Variants in GFPT2 observed in about 807,000 individuals in gnomAD.
GFPT2 encodes glutamine--fructose-6-phosphate transaminase 2.
In GFPT2, 62 loss-of-function variants were observed where a neutral mutation model predicts 85.6. The ratio of observed to expected loss-of-function variants is 0.72; its 90% CI spans 0.59 to 0.90. The LOEUF (loss-of-function observed/expected upper bound fraction) is 0.90. Ranked by LOEUF, GFPT2 falls within the 40% of genes least tolerant of loss-of-function variation. The pLI is 0.00. For missense variants in GFPT2, 788 were observed against 893.4 expected, an observed-to-expected ratio of 0.88 and a Z score of 1.50; for synonymous variants, 368 against 344.5, an observed-to-expected ratio of 1.07 and a Z score of -0.75.
rs1764288592 is a variant in GFPT2, at chr5:180,330,843, T to TG, written c.400-10dup. The TG allele has an allele frequency of 3.1e-6, 5 of 1,613,618 alleles. No homozygotes were observed. The South Asian group carries it at 5.5e-5, about 18-fold the overall frequency. On this transcript the variant is annotated splice_polypyrimidine_tract_variant and intron_variant, in intron 5 of 18. Transcript: ENST00000253778. The surrounding 1 kb of genome is among the most constrained non-coding windows in gnomAD (Gnocchi z 4.4). The stretch of plus-strand genomic sequence containing the variant: ...TCGTAGCCTTTGCTTTCCTGGAATA[T>TG]GCAGTCGGCACAGTGTGAGAGATTG...
In GFPT2 at chr5:180,330,852, C is replaced by A. The variant is rs752675123; in HGVS notation, c.400-18G>T. On this transcript the variant is annotated intron_variant, in intron 5 of 18. Transcript: ENST00000253778. The surrounding 1 kb of genome is among the most constrained non-coding windows in gnomAD (Gnocchi z 4.4). The stretch of plus-strand genomic sequence containing the variant: ...TTGCTTTCCTGGAATATGCAGTCGG[C>A]ACAGTGTGAGAGATTGGTCATTGCA... 1 of 1,612,852 alleles carries A rather than the reference C, an allele frequency of 6.2e-7. No homozygotes were observed. Among genetic ancestry groups the A allele is most frequent in the Admixed American group, 1.7e-5 (1 of 59,984 alleles).
Position 180,335,954 on chromosome 5 carries a change from C to CT in GFPT2, c.215-2dup. 1 of 1,563,024 alleles carries CT rather than the reference C, an allele frequency of 6.4e-7. No individual in the cohort carries two copies. Among genetic ancestry groups the CT allele is most frequent in the Non-Finnish European group, 8.6e-7 (1 of 1,160,184 alleles). On this transcript the variant is annotated splice_acceptor_variant, in intron 3 of 18. Coordinates refer to ENST00000253778, the MANE Select transcript of GFPT2 (RefSeq NM_005110.4). LOFTEE classifies it high-confidence loss of function. ...ACTTTTAAGTCCATGCTGTCTTGTT[C>CT]TAAATGAAAGGAAAATCAGTTTGCC...
rs1347300668 is a variant in GFPT2, at chr5:180,336,544, T to G, written c.149A>C (p.Lys50Thr). 1 of 1,611,832 alleles carries G rather than the reference T, an allele frequency of 6.2e-7. No individual in the cohort carries two copies. The highest frequency in any genetic ancestry group is 1.1e-5 in the South Asian group (1 of 91,030). ...CTTGACCAGCTGAATGTGTCTTTCT[T>G]TGACTTCGTGATTATTCCCATCGAT... ...VAIDGNNHEV[K>T]ERHIQLVKKR... The change falls in exon 3 of 19, where the codon AAA becomes ACA. Residue 50 changes from lysine (K) to threonine (T), a missense_variant. Physicochemically the swap from Lys to Thr is moderately conservative, Grantham distance 78 (BLOSUM62 -1). Transcript: ENST00000253778.
In GFPT2 at chr5:180,303,098, C is replaced by T. The variant is rs564199110; in HGVS notation, c.1843-514G>A. Among the ~76,000 whole-genome samples the T allele has an allele frequency of 3.4e-4, 49 of 143,840 alleles. 5 individuals are homozygous for T. Among genetic ancestry groups the T allele is most frequent in the African/African-American group, 9.1e-4 (37 of 40,754 alleles). 94.4% of individuals were successfully genotyped at this position (143,840 alleles called of 152,430 possible). On this transcript the variant is annotated intron_variant, in intron 17 of 18. Coordinates refer to ENST00000253778, the MANE Select transcript of GFPT2 (RefSeq NM_005110.4). ...ACAAAAAATTAGCCGGGTGTGGTGG[C>T]GGGGGCCTGTAGTCCCAGCTACTGG... is the stretch of plus-strand genomic sequence containing the variant.
In GFPT2 at chr5:180,340,767, G is replaced by A. The variant is rs548103755; in HGVS notation, c.8-2167C>T. On this transcript the variant is annotated intron_variant, in intron 1 of 18. Transcript: ENST00000253778. ...CTGACCTCATGATCTGCCCACCTCC[G>A]CCTCCCAAAGTGCTGGGATTACAGG... Among the ~76,000 whole-genome samples the A allele has an allele frequency of 2.6e-5, 4 of 151,782 alleles. No homozygotes were observed. The South Asian group carries it at 6.2e-4, about 24-fold the overall frequency.
intron 15 of GFPT2, among the ~76,000 whole-genome samples, chr5:180,307,951 A>C (rs1313767619): frequency 6.6e-6 from 1 of 152,114 alleles, no homozygotes; most frequent in Admixed American, 6.5e-5. Context: ...TCTCTACTAA[A>C]AATACAAAAA....
rs545624638 is a variant in GFPT2 at position 180,352,974 on chromosome 5, G to A, written c.7+237C>T. The A allele has an allele frequency of 1.0e-5, 4 of 393,338 alleles. No homozygotes were observed. The East Asian group carries it at 1.2e-4, about 12-fold the overall frequency. 24.4% of individuals were successfully genotyped at this position (393,338 alleles called of 1,614,324 possible). On this transcript the variant is annotated intron_variant, in intron 1 of 18. Coordinates refer to ENST00000253778, the MANE Select transcript of GFPT2 (RefSeq NM_005110.4). ...GGCCTCGGTCCCCCTCACTGTGTCCGAGACCAGGAGTCGGGTTGGGCATCC... is the reference window on the plus strand; with the variant it reads ...GGCCTCGGTCCCCCTCACTGTGTCCAAGACCAGGAGTCGGGTTGGGCATCC...
Position 180,336,029 on chromosome 5 carries a change from C to T in GFPT2, c.215-76G>A, listed in dbSNP as rs1271151119. 9.1e-6 allele frequency: 13 copies of T among 1,426,274 alleles called. No individual in the cohort carries two copies. The East Asian group carries it at 1.7e-4, about 19-fold the overall frequency. 88.4% of individuals were successfully genotyped at this position (1,426,274 alleles called of 1,614,324 possible). A position where few individuals can be genotyped will look rare whatever the true frequency, so the allele number is the denominator to read the frequency against. On this transcript the variant is annotated intron_variant, in intron 3 of 18. Transcript: ENST00000253778. Reference sequence around the variant, plus strand: ...CAGGACTGTGAGTGCAACCTGGTGTCGTTACCCAAGTCACGTCACCCACAC... The same window carrying T: ...CAGGACTGTGAGTGCAACCTGGTGTTGTTACCCAAGTCACGTCACCCACAC...
chr5:180,321,766 TG>T (rs2127651632), intron 9 of GFPT2, among the ~76,000 whole-genome samples: 1 of 11,046 alleles, frequency 9.1e-5, no homozygotes, highest in South Asian at 2.4e-3. Flanking sequence ...TGGAGGGTTT[TG>T]TTTTGTTTTG....
chr5:180,313,648 C>G (rs544715921), intron 14 of GFPT2, among the ~76,000 whole-genome samples, 159 bp downstream of exon 14: 1 of 151,246 alleles, frequency 6.6e-6, no homozygotes, highest in Admixed American at 6.6e-5. Flanking sequence ...TACGGGAATC[C>G]AAGAGGGGAG....
intron 17 of GFPT2, 111 bp from the exon 18 acceptor site, chr5:180,302,695 G>A: frequency 3.8e-6 from 3 of 791,056 alleles, no homozygotes; most frequent in Non-Finnish European, 5.9e-6. Context: ...GTCCTCTTTT[G>A]CATTTGCTGG....
In GFPT2 at chr5:180,328,736, T is replaced by G. The variant is rs1166579902; in HGVS notation, c.535-398A>C. On this transcript the variant is annotated intron_variant, in intron 6 of 18. Transcript: ENST00000253778. This position sits in a 1 kb window ranked among gnomAD's most constrained non-coding sequence, Gnocchi z 5.4. ...AAGTGCACTTTAGCTCAACACACGG[T>G]AGGGCCTGGGTTCAAATCCTGGCTC... 6.6e-6 allele frequency among the ~76,000 whole-genome samples: 1 copy of G among 152,182 alleles called. No homozygotes were observed. Among genetic ancestry groups the G allele is most frequent in the African/African-American group, 2.4e-5 (1 of 41,448 alleles).
At position 180,328,683 on chromosome 5, in the gene GFPT2, G is replaced by C; in HGVS notation, c.535-345C>G. Among the ~76,000 whole-genome samples, 1 of 152,212 alleles carries C rather than the reference G, an allele frequency of 6.6e-6. No individual in the cohort carries two copies. The highest frequency in any genetic ancestry group is 1.5e-5 in the Non-Finnish European group (1 of 68,032). On this transcript the variant is annotated intron_variant, in intron 6 of 18. Coordinates refer to ENST00000253778, the MANE Select transcript of GFPT2 (RefSeq NM_005110.4). This position sits in a 1 kb window ranked among gnomAD's most constrained non-coding sequence, Gnocchi z 5.4. ...ACCAGGCTTCCCTGCCCTGCTCAGGGACAGCACCTACTCAGCAAGCCCCTG... is the reference window on the plus strand; with the variant it reads ...ACCAGGCTTCCCTGCCCTGCTCAGGCACAGCACCTACTCAGCAAGCCCCTG...
chr5:180,340,460 C>T (rs538079956), intron 1 of GFPT2, among the ~76,000 whole-genome samples: 1 of 150,992 alleles, frequency 6.6e-6, no homozygotes, highest in Admixed American at 6.6e-5. Flanking sequence ...CCCGCCTCGG[C>T]TTCCCAAAGT....
At position 180,328,142 on chromosome 5, in the gene GFPT2, C is replaced by A. The variant is rs1764245484; in HGVS notation, c.596+135G>T. On this transcript the variant is annotated intron_variant, in intron 7 of 18. Transcript: ENST00000253778. The surrounding 1 kb of genome is among the most constrained non-coding windows in gnomAD (Gnocchi z 5.4). ...AGATGGTGGGGCGCGGTCCCCGGGG[C>A]TGAGCCACAGTTGTTCTTTAGACAC... The A allele has an allele frequency of 4.7e-6, 3 of 636,978 alleles. No individual in the cohort carries two copies. Among genetic ancestry groups the A allele is most frequent in the Non-Finnish European group, 8.5e-6 (3 of 353,538 alleles). The allele number at this position is 636,978 out of a possible 1,614,324, so 39.5% of individuals were successfully genotyped here. A position where few individuals can be genotyped will look rare whatever the true frequency, so the allele number is the denominator to read the frequency against.
At chr5:180,312,359 G>C in intron 15 of GFPT2, 71 bp downstream of exon 15, 1 of 821,744 alleles carries the variant, frequency 1.2e-6, no homozygotes, top group South Asian at 1.4e-5. Context: ...GTACAGGTGA[G>C]AGTCAACAGA....
At chr5:180,344,107 G>C (rs770322026) in intron 1 of GFPT2, among the ~76,000 whole-genome samples, 2 of 152,232 alleles carry the variant, frequency 1.3e-5, no homozygotes, top group African/African-American at 2.4e-5. Flanking sequence ...CCTTTTACAG[G>C]CAGCCCTCAA....
chr5:180,346,847 C>A (rs1035713466), intron 1 of GFPT2, among the ~76,000 whole-genome samples: 1 of 152,218 alleles, frequency 6.6e-6, no homozygotes, highest in Non-Finnish European at 1.5e-5. Flanking sequence ...GGGCTGCCCA[C>A]GGCGTAAGAA....
rs1435360384 is a variant in GFPT2 at position 180,302,566 on chromosome 5, A to G, written c.1861T>C (p.Cys621Arg). The G allele has an allele frequency of 2.5e-6, 4 of 1,613,900 alleles. No homozygotes were observed. Among genetic ancestry groups the G allele is most frequent in the East Asian group, 2.2e-5 (1 of 44,862 alleles). Residue 621 changes from cysteine (C) to arginine (R), a missense_variant, in exon 18 of 19, where the codon TGC becomes CGC. Transcript: ENST00000253778. Reference sequence around the variant, plus strand: ...GAACTTTCAGTATCGTCCTTGGAGCACAGTATAATGGGGCGACCCTAGAGC... The same window carrying G: ...GAACTTTCAGTATCGTCCTTGGAGCGCAGTATAATGGGGCGACCCTAGAGC... Reference protein sequence around the residue: ...TARQGRPIILCSKDDTESSKF... With the variant: ...TARQGRPIILRSKDDTESSKF...
Sources: gnomAD v4.1 joint callset for allele counts (sites outside exome capture counted in the v4.1 genomes callset) on GRCh38, gnomAD v4.1.1 for gene constraint, Gnocchi (gnomAD v3.1) non-coding constraint, MANE v1.5 for transcripts, NCBI Gene and HGNC (gene_info 2026-07-23, HGNC 2026-07-21) for gene names.